Variants in INSL6 observed in about 807,000 individuals in gnomAD.
INSL6 encodes the protein insulin like 6.
A neutral mutation model predicts 9.4 loss-of-function variants in INSL6; 16 were observed. The ratio of observed to expected loss-of-function variants is 1.70; its 90% CI spans 1.15 to 2.59. The LOEUF (loss-of-function observed/expected upper bound fraction) is 2.59. INSL6 is among the 30% of genes most tolerant of loss of function. The pLI, the probability that INSL6 is intolerant of heterozygous loss-of-function variation, is 0.00. For missense variants in INSL6, 391 were observed against 257.3 expected (o/e 1.52, Z -3.56); for synonymous variants, 154 against 96.9 (o/e 1.59, Z -3.46).
In INSL6 at chr9:5,164,152, G is replaced by C. The variant is rs1824992023; in HGVS notation, c.403C>G (p.His135Asp). Residue 135 changes from histidine (H) to aspartate (D), a missense_variant, in exon 2 of 2, where the codon CAT becomes GAT. By Grantham distance (81) the His-to-Asp change is moderately conservative. Coordinates refer to ENST00000381641, the MANE Select transcript of INSL6 (RefSeq NM_007179.3). Reference sequence around the variant, plus strand: ...TCATGAATATATACATTGATATTATGTGATGAAGAAAATTCTCTTGTCTTA... The same window carrying C: ...TCATGAATATATACATTGATATTATCTGATGAAGAAAATTCTCTTGTCTTA... ...LGKTREFSSS[H>D]NINVYIHENA... 2 of 1,607,554 alleles carry C rather than the reference G, an allele frequency of 1.2e-6. No individual in the cohort carries two copies. Among genetic ancestry groups the C allele is most frequent in the Non-Finnish European group, 1.7e-6 (2 of 1,177,046 alleles).
At chr9:5,159,945 C>T (rs1009789227), downstream of INSL6, among the ~76,000 whole-genome samples, 1 of 152,072 alleles carries the variant, frequency 6.6e-6, no homozygotes, top group Admixed American at 6.5e-5. Context: ...GAGGCCAGGG[C>T]GGGTGGATCA....
At chr9:5,073,695 TA>T in the INSL6 span, 2 of 1,605,844 alleles carry the variant, frequency 1.2e-6, no homozygotes, top group Admixed American at 3.4e-5. Context: ...TTTTTTTCCT[TA>T]GTCTTTCTTT....
At chr9:5,101,027 G>C in the INSL6 span, 1 of 152,290 alleles carries the variant, frequency 6.6e-6, no homozygotes, top group African/African-American at 2.4e-5. Context: ...CATCGGGACT[G>C]GTTGGACAGG....
downstream of INSL6, among the ~76,000 whole-genome samples, chr9:5,160,204 C>T (rs1272692777): frequency 6.7e-6 from 1 of 148,956 alleles, no homozygotes; most frequent in Admixed American, 6.7e-5. Context: ...AAAGTTAGGC[C>T]ACAAAACAAA....
chr9:5,100,256 T>C, the INSL6 span: 1 of 152,228 alleles, frequency 6.6e-6, no homozygotes, highest in African/African-American at 2.4e-5. Context: ...AAACACATGC[T>C]TGCCATATAG....
chr9:5,015,177 C>G, the INSL6 span, among the ~76,000 whole-genome samples: 1 of 152,034 alleles, frequency 6.6e-6, no homozygotes, highest in African/African-American at 2.4e-5. Flanking sequence ...TACCTATTTT[C>G]CTGATAGTTT....
At chr9:5,042,082 G>A in the INSL6 span, 51,615 of 222,438 alleles carry the variant, frequency 0.23, 6,836 homozygotes, top group Admixed American at 0.27. Flanking sequence ...CCCATCCCCG[G>A]GACGAGGGGT....
the INSL6 span, among the ~76,000 whole-genome samples, chr9:5,007,875 G>A: frequency 1.3e-5 from 2 of 151,904 alleles, no homozygotes; most frequent in South Asian, 4.2e-4. Context: ...TTACAGGCAC[G>A]TGCCACCACG....
At chr9:5,126,818 A>G in intron 3 of INSL6, 1 of 1,407,670 alleles carries the variant, frequency 7.1e-7, no homozygotes, top group African/African-American at 1.4e-5. Flanking sequence ...TCTGAGACCA[A>G]AGTAGATTTA....
In INSL6 at chr9:5,185,549, C is replaced by T. The variant is rs1825557092; in HGVS notation, c.54G>A (p.Arg18=). ...SLLWLGLLLV[R]FSRELSDISS... is the part of the protein sequence containing the mutation. ...TGATGTCGCTCAGTTCACGAGAAAACCGAACCAGCAGGAGTCCAAGCCACA... is the reference window on the plus strand; with the variant it reads ...TGATGTCGCTCAGTTCACGAGAAAATCGAACCAGCAGGAGTCCAAGCCACA... Residue 18 remains arginine (R), a synonymous_variant, in exon 1 of 2, where the codon CGG becomes CGA. Transcript: ENST00000381641. 6.2e-7 allele frequency: 1 copy of T among 1,614,084 alleles called. No homozygotes were observed. Among genetic ancestry groups the T allele is most frequent in the Non-Finnish European group, 8.5e-7 (1 of 1,180,016 alleles).
At chr9:4,992,897 C>T in the INSL6 span, among the ~76,000 whole-genome samples, 1 of 152,292 alleles carries the variant, frequency 6.6e-6, no homozygotes, top group Non-Finnish European at 1.5e-5. Flanking sequence ...TCCTGGAAGT[C>T]ATTCTTAATA....
At chr9:5,159,026 T>C (rs1824870755), downstream of INSL6, among the ~76,000 whole-genome samples, 1 of 152,176 alleles carries the variant, frequency 6.6e-6, no homozygotes, top group Non-Finnish European at 1.5e-5. Context: ...TTATTAGTTT[T>C]CTTTTTGCTT....
chr9:5,110,591 C>G, the INSL6 span: 1 of 181,482 alleles, frequency 5.5e-6, no homozygotes, highest in Non-Finnish European at 1.1e-5. Context: ...TTATTGGTAG[C>G]CTTGCACTTA....
chr9:5,023,845 C>G, the INSL6 span, among the ~76,000 whole-genome samples: 2 of 150,766 alleles, frequency 1.3e-5, no homozygotes, highest in Non-Finnish European at 3.0e-5. Flanking sequence ...TGTGTGTAGT[C>G]TCTGAAATCT....
At chr9:5,020,090 C>T in the INSL6 span, among the ~76,000 whole-genome samples, 1 of 152,186 alleles carries the variant, frequency 6.6e-6, no homozygotes, top group Admixed American at 6.5e-5. Context: ...GGCCCCTGGG[C>T]AGTGAGCATG....
At chr9:5,004,004 A>C in the INSL6 span, among the ~76,000 whole-genome samples, 1 of 152,146 alleles carries the variant, frequency 6.6e-6, no homozygotes, top group Non-Finnish European at 1.5e-5. Context: ...GACTATTTAA[A>C]AAATTTTTTT....
chr9:5,140,124 A>AT (rs1255380065), intron 2 of INSL6, among the ~76,000 whole-genome samples: 1 of 152,206 alleles, frequency 6.6e-6, no homozygotes, highest in Non-Finnish European at 1.5e-5. Context: ...TTAGTTATGC[A>AT]TTTAGGAAAT....
chr9:5,160,644 G>C (rs564496557), downstream of INSL6, among the ~76,000 whole-genome samples: 1 of 151,986 alleles, frequency 6.6e-6, no homozygotes, highest in Non-Finnish European at 1.5e-5. Flanking sequence ...AAAGATCAAC[G>C]AAACACAAAG....
the INSL6 span, chr9:5,111,864 C>T: frequency 1.6e-5 from 6 of 384,220 alleles, no homozygotes; most frequent in Non-Finnish European, 3.1e-5. Flanking sequence ...TCCTGGGCTC[C>T]CGAGGGACCA....
Sources: allele counts gnomAD v4.1 joint callset (sites outside exome capture counted in the v4.1 genomes callset), GRCh38; gene constraint gnomAD v4.1.1; transcripts MANE v1.5; gene names NCBI Gene and HGNC (gene_info 2026-07-23, HGNC 2026-07-21).